MIPOL1: variants seen among roughly 807,000 people sequenced by gnomAD.
MIPOL1 encodes the protein mirror-image polydactyly gene 1 protein.
Under a neutral mutation model 60.9 loss-of-function variants are expected in MIPOL1, and 57 were observed. That is an observed-to-expected ratio of 0.94 (90% CI 0.76 to 1.17). MIPOL1 has a LOEUF of 1.17. Among genes scored for constraint, MIPOL1 ranks in the 50% most tolerant of loss-of-function variants. MIPOL1 has a pLI of 0.00. For synonymous variants in MIPOL1, 179 were observed against 168.8 expected, an observed-to-expected ratio of 1.06 and a Z score of -0.47; for missense variants, 551 against 511.6, an observed-to-expected ratio of 1.08 and a Z score of -0.74.
At chr14:37,256,411 A>G (rs1237657760) in intron 3 of MIPOL1, among the ~76,000 whole-genome samples, 1 of 151,964 alleles carries the variant, frequency 6.6e-6, no homozygotes, top group Non-Finnish European at 1.5e-5. Context: ...CTTTCCATGA[A>G]TTATTATAAA....
intron 9 of MIPOL1, among the ~76,000 whole-genome samples, chr14:37,321,491 C>T (rs890382119): frequency 2.6e-5 from 4 of 151,888 alleles, no homozygotes; most frequent in Non-Finnish European, 4.4e-5. Flanking sequence ...TTTTTTGATA[C>T]TTGCCCTGTG....
At chr14:37,406,375 AAAAACAT>A (rs1299251131) in intron 10 of MIPOL1, among the ~76,000 whole-genome samples, 4 of 152,168 alleles carry the variant, frequency 2.6e-5, no homozygotes, top group Non-Finnish European at 5.9e-5. Flanking sequence ...GATGTAGTGA[AAAAACAT>A]ACACGATCCT....
chr14:37,234,535 A>G lies in MIPOL1; in HGVS notation c.-198-12568A>G, dbSNP rs1283694067. On this transcript the variant is annotated intron_variant, in intron 1 of 12. Transcript: ENST00000684589. Reference sequence around the variant, plus strand: ...TTTTTTGTAGAGATGAGGTCTGGCTATGTTACCCAGGCAGCTCTTTAACTC... The same window carrying G: ...TTTTTTGTAGAGATGAGGTCTGGCTGTGTTACCCAGGCAGCTCTTTAACTC... Among the ~76,000 whole-genome samples, 3 of 151,646 alleles carry G rather than the reference A, an allele frequency of 2.0e-5. No individual in the cohort carries two copies. The East Asian group carries it at 5.8e-4, about 29-fold the overall frequency.
chr14:37,433,180 C>T (rs1177609113), intron 11 of MIPOL1, among the ~76,000 whole-genome samples: 1 of 152,148 alleles, frequency 6.6e-6, no homozygotes, highest in East Asian at 1.9e-4. Context: ...CCTGCCTCAG[C>T]CTCCTGAGTA....
chr14:37,331,286 T>C (rs2089659124), intron 9 of MIPOL1, among the ~76,000 whole-genome samples: 1 of 152,156 alleles, frequency 6.6e-6, no homozygotes, highest in Non-Finnish European at 1.5e-5. Context: ...TTTATGTTTC[T>C]GTGAAGAATG....
At chr14:37,471,174 T>C (rs1226810696) in intron 11 of MIPOL1, among the ~76,000 whole-genome samples, 5 of 152,146 alleles carry the variant, frequency 3.3e-5, no homozygotes, top group Non-Finnish European at 7.4e-5. Flanking sequence ...GACCCTTGAA[T>C]TGAAGTTGAG....
intron 11 of MIPOL1, among the ~76,000 whole-genome samples, chr14:37,472,746 T>A (rs2094707584): frequency 6.6e-6 from 1 of 152,140 alleles, no homozygotes; most frequent in Non-Finnish European, 1.5e-5. Context: ...TATGTTACCC[T>A]CTGAAGCAAC....
chr14:37,411,037 A>T (rs1407882503), intron 10 of MIPOL1, among the ~76,000 whole-genome samples: 2 of 152,200 alleles, frequency 1.3e-5, no homozygotes, highest in East Asian at 3.9e-4. Flanking sequence ...AAGATTGTTT[A>T]ACTGGAGAAA....
intron 9 of MIPOL1, among the ~76,000 whole-genome samples, chr14:37,361,997 A>G (rs983030548): frequency 5.9e-5 from 9 of 151,990 alleles, no homozygotes; most frequent in East Asian, 5.8e-4. Flanking sequence ...GTTTTGAGCT[A>G]TGTGTGTCTC....
At position 37,200,846 on chromosome 14, in the gene MIPOL1, ATCTATGTG is replaced by A. The variant is rs1326384451; in HGVS notation, c.-199+2744_-199+2751del. Among the ~76,000 whole-genome samples the A allele has an allele frequency of 2.3e-3, 274 of 121,060 alleles. 4 individuals are homozygous for A. The highest frequency in any genetic ancestry group is 8.7e-3 in the African/African-American group (261 of 30,038). The allele number at this position is 121,060 out of a possible 152,430, so 79.4% of individuals were successfully genotyped here. A position where few individuals can be genotyped will look rare whatever the true frequency, so the allele number is the denominator to read the frequency against. On this transcript the variant is annotated intron_variant, in intron 1 of 12. Transcript: ENST00000684589. ...AATATAGATCCATAATACTATATCTATCTATGTGTGTGTGTGTGTGTGTGTGTGTGTGT... is the reference window on the plus strand; with the variant it reads ...AATATAGATCCATAATACTATATCTATGTGTGTGTGTGTGTGTGTGTGTGT...
intron 7 of MIPOL1, among the ~76,000 whole-genome samples, chr14:37,289,555 A>G (rs192305280): frequency 3.9e-5 from 6 of 152,326 alleles, no homozygotes; most frequent in Admixed American, 1.3e-4. Context: ...GGATATGACA[A>G]TGGATACAGA....
chr14:37,411,673 T>C (rs747336095), intron 10 of MIPOL1, among the ~76,000 whole-genome samples: 3 of 152,192 alleles, frequency 2.0e-5, no homozygotes, highest in Non-Finnish European at 2.9e-5. Flanking sequence ...GCTACTTTCT[T>C]GTTACAATAG....
chr14:37,507,082 G>A (rs543526418), intron 12 of MIPOL1: 1 of 152,022 alleles, frequency 6.6e-6, no homozygotes, highest in Non-Finnish European at 1.5e-5. Context: ...TTAGAATGGC[G>A]ATCATTAAAA....
chr14:37,326,492 C>G (rs1441167520), intron 9 of MIPOL1, among the ~76,000 whole-genome samples: 1 of 151,702 alleles, frequency 6.6e-6, no homozygotes, highest in African/African-American at 2.4e-5. Flanking sequence ...AAGAAGAGAG[C>G]ACAATCCTTT....
intron 10 of MIPOL1, among the ~76,000 whole-genome samples, chr14:37,396,129 G>A (rs777414184): frequency 6.6e-6 from 1 of 151,852 alleles, no homozygotes; most frequent in Non-Finnish European, 1.5e-5. Flanking sequence ...TGTGTTTCCA[G>A]GATTTGTTTC....
chr14:37,432,317 A>C (rs1261346272), intron 11 of MIPOL1, among the ~76,000 whole-genome samples: 2 of 152,138 alleles, frequency 1.3e-5, no homozygotes, highest in Admixed American at 1.3e-4. Flanking sequence ...TAACTCCCCT[A>C]CTAGTGCTTC....
chr14:37,269,958 G>A (rs1394495943), intron 5 of MIPOL1, among the ~76,000 whole-genome samples: 1 of 152,064 alleles, frequency 6.6e-6, no homozygotes, highest in Non-Finnish European at 1.5e-5. Context: ...CTCTCGAGTA[G>A]CTGGGATTAC....
At chr14:37,270,379 T>G in intron 5 of MIPOL1, 41 bp from the exon 6 acceptor site, 1 of 1,068,004 alleles carries the variant, frequency 9.4e-7, no homozygotes, top group Non-Finnish European at 1.3e-6. Flanking sequence ...TGCAAGACAT[T>G]TGTCAAATAA....
chr14:37,378,977 G>GTGCCTTT (rs2092851034), intron 10 of MIPOL1, among the ~76,000 whole-genome samples: 1 of 151,988 alleles, frequency 6.6e-6, no homozygotes, highest in Non-Finnish European at 1.5e-5. Flanking sequence ...CATTAAGCTA[G>GTGCCTTT]TAATCCTAAT....
Sources: allele counts gnomAD v4.1 joint callset (sites outside exome capture counted in the v4.1 genomes callset), GRCh38; gene constraint gnomAD v4.1.1; transcripts MANE v1.5; gene names NCBI Gene and HGNC (gene_info 2026-07-23, HGNC 2026-07-21).